Variants in NRXN3 observed in about 807,000 individuals in gnomAD.
NRXN3 encodes the protein neurexin III.
NRXN3 carries 32 observed loss-of-function variants against 137.6 expected under a neutral mutation model. The ratio of observed to expected loss-of-function variants is 0.23; its 90% CI spans 0.18 to 0.31. The LOEUF is 0.31. Ranked by LOEUF, NRXN3 falls within the 10% of genes least tolerant of loss-of-function variation. NRXN3 has a pLI of 1.00. For synonymous variants in NRXN3, 798 were observed against 784.5 expected (o/e 1.02, Z -0.29); for missense variants, 1,574 against 2,062.5 (o/e 0.76, Z 4.59).
intron 4 of NRXN3, among the ~76,000 whole-genome samples, chr14:78,618,188 A>G (rs948930299): frequency 1.3e-5 from 2 of 152,112 alleles, no homozygotes; most frequent in Admixed American, 6.5e-5. Context: ...AGAAGACAAA[A>G]AACTTCAAGC....
intron 15 of NRXN3, among the ~76,000 whole-genome samples, chr14:78,998,486 C>T (rs1030374288): frequency 6.6e-6 from 1 of 152,180 alleles, no homozygotes; most frequent in African/African-American, 2.4e-5. Context: ...AAAGAACCTT[C>T]TTGGCCAAAG....
chr14:78,935,856 C>G (rs1173842127), intron 10 of NRXN3, among the ~76,000 whole-genome samples: 1 of 152,286 alleles, frequency 6.6e-6, no homozygotes, highest in South Asian at 2.1e-4. Context: ...TTTGTCCCCC[C>G]ACCTTCCATT....
At chr14:78,331,378 C>T (rs564948353) in intron 4 of NRXN3, among the ~76,000 whole-genome samples, 1 of 152,224 alleles carries the variant, frequency 6.6e-6, no homozygotes, top group East Asian at 1.9e-4. Context: ...AGTATTACCT[C>T]ATCAGCATTT....
At chr14:78,767,550 C>T (rs2098713033) in intron 8 of NRXN3, among the ~76,000 whole-genome samples, 1 of 152,110 alleles carries the variant, frequency 6.6e-6, no homozygotes, top group Non-Finnish European at 1.5e-5. Flanking sequence ...CGCAGAGCGC[C>T]CTCTTGTCTG....
At chr14:79,409,812 T>A (rs1445523603) in intron 15 of NRXN3, among the ~76,000 whole-genome samples, 1 of 151,672 alleles carries the variant, frequency 6.6e-6, no homozygotes, top group Non-Finnish European at 1.5e-5. Flanking sequence ...AACTCTGCTT[T>A]CTTACTACAA....
At chr14:79,088,131 C>G (rs1469644607) in intron 15 of NRXN3, among the ~76,000 whole-genome samples, 1 of 149,990 alleles carries the variant, frequency 6.7e-6, no homozygotes, top group African/African-American at 2.5e-5. Context: ...AAAGAATCAC[C>G]AGATCCTTTG....
chr14:78,491,173 C>A (rs887746002), intron 4 of NRXN3, among the ~76,000 whole-genome samples: 2 of 152,174 alleles, frequency 1.3e-5, no homozygotes, highest in East Asian at 3.9e-4. Flanking sequence ...ATGGCGTGAG[C>A]TGGTCCACAG....
chr14:78,417,627 A>C (rs947847695), intron 4 of NRXN3, among the ~76,000 whole-genome samples: 11 of 152,212 alleles, frequency 7.2e-5, no homozygotes, highest in African/African-American at 2.7e-4. Context: ...GATGCTCAAT[A>C]AATGTTTGTG....
chr14:78,831,006 G>A (rs2098980061), intron 10 of NRXN3, among the ~76,000 whole-genome samples: 2 of 151,984 alleles, frequency 1.3e-5, no homozygotes, highest in Admixed American at 6.6e-5. Flanking sequence ...TCTTGATTTG[G>A]GAACTTTAAT....
intron 19 of NRXN3, among the ~76,000 whole-genome samples, chr14:79,792,574 T>A (rs539513976): frequency 1.2e-3 from 188 of 152,292 alleles, no homozygotes; most frequent in African/African-American, 4.1e-3. Context: ...TAGATTTTTT[T>A]AAAAAAAGTC....
intron 8 of NRXN3, among the ~76,000 whole-genome samples, chr14:78,732,259 G>T (rs1406116449): frequency 6.6e-6 from 1 of 152,156 alleles, no homozygotes; most frequent in Non-Finnish European, 1.5e-5. Context: ...GCCCAACATA[G>T]GGTGGTTTAA....
At chr14:78,514,300 G>A (rs1430709422) in intron 4 of NRXN3, among the ~76,000 whole-genome samples, 2 of 152,154 alleles carry the variant, frequency 1.3e-5, no homozygotes, top group Admixed American at 1.3e-4. Context: ...ACTTTGGGAT[G>A]GAGAGGTTAG....
chr14:79,273,200 A>AAAAAAAAAAAAAAAAAAG (rs1387362455), intron 15 of NRXN3, among the ~76,000 whole-genome samples: 9 of 127,660 alleles, frequency 7.0e-5, no homozygotes, highest in African/African-American at 8.8e-5. Context: ...AAAAAAAAAA[A>AAAAAAAAAAAAAAAAAAG]TGGGTGGGAG....
chr14:79,552,518 G>A lies in NRXN3; in HGVS notation c.3444+85116G>A, dbSNP rs112545906. Reference sequence around the variant, plus strand: ...GAAATAGATTAGCAGGAGAGAAGGCGTACAAATTTATTAACATGCAGATGT... The same window carrying A: ...GAAATAGATTAGCAGGAGAGAAGGCATACAAATTTATTAACATGCAGATGT... On this transcript the variant is annotated intron_variant, in intron 16 of 20. Transcript: ENST00000335750. Among the ~76,000 whole-genome samples, 1,003 of 152,214 alleles carry A rather than the reference G, an allele frequency of 6.6e-3. 8 individuals carry two copies. Among genetic ancestry groups the A allele is most frequent in the African/African-American group, 0.023 (971 of 41,528 alleles).
At chr14:79,270,316 C>G (rs2079109425) in intron 15 of NRXN3, among the ~76,000 whole-genome samples, 1 of 152,144 alleles carries the variant, frequency 6.6e-6, no homozygotes, top group Admixed American at 6.5e-5. Flanking sequence ...CACACACATA[C>G]ACAGAAGAAA....
At chr14:79,371,165 A>G (rs1466077488) in intron 15 of NRXN3, among the ~76,000 whole-genome samples, 1 of 152,200 alleles carries the variant, frequency 6.6e-6, no homozygotes, top group Non-Finnish European at 1.5e-5. Context: ...GGAAACACTC[A>G]GCTGGTGGCT....
At chr14:78,913,235 CT>C (rs1352648313) in intron 10 of NRXN3, among the ~76,000 whole-genome samples, 11 of 117,780 alleles carry the variant, frequency 9.3e-5, no homozygotes, top group African/African-American at 3.2e-4. Context: ...TTTCTTTTTT[CT>C]TTTCCTTTCT....
chr14:79,249,730 A>G (rs1231865517), intron 15 of NRXN3, among the ~76,000 whole-genome samples: 1 of 152,202 alleles, frequency 6.6e-6, no homozygotes, highest in Non-Finnish European at 1.5e-5. Context: ...GAGGAAAAAG[A>G]CAGTCTTATG....
intron 1 of NRXN3, among the ~76,000 whole-genome samples, chr14:78,184,262 G>T (rs1160479342): frequency 1.3e-5 from 2 of 152,202 alleles, no homozygotes; most frequent in Non-Finnish European, 2.9e-5. Flanking sequence ...GCGCCCGCTC[G>T]ATGCCAGGCA....
Sources: gnomAD v4.1 joint callset for allele counts (sites outside exome capture counted in the v4.1 genomes callset) on GRCh38, gnomAD v4.1.1 for gene constraint, MANE v1.5 for transcripts, NCBI Gene and HGNC (gene_info 2026-07-23, HGNC 2026-07-21) for gene names.